The following GRID2 variants were observed in gnomAD, a reference collection of about 807,000 sequenced individuals.
GRID2 encodes glutamate receptor ionotropic, delta-2.
Under a neutral mutation model 114.8 loss-of-function variants are expected in GRID2, and 33 were observed. The observed-to-expected ratio is 0.29, with a 90% confidence interval of 0.22 to 0.38. The LOEUF (loss-of-function observed/expected upper bound fraction) is 0.38, where lower values mean the gene tolerates loss of function less well. Ranked by LOEUF, GRID2 falls within the 10% of genes least tolerant of loss-of-function variation. The pLI is 1.00. For synonymous variants in GRID2, 505 were observed against 449.9 expected (o/e 1.12, Z -1.55); for missense variants, 1,184 against 1,257.7 (o/e 0.94, Z 0.89).
At chr4:93,467,604 C>A (rs547131865) in intron 11 of GRID2, among the ~76,000 whole-genome samples, 11 of 152,190 alleles carry the variant, frequency 7.2e-5, no homozygotes, top group African/African-American at 2.7e-4. Context: ...ACAAGTACCA[C>A]GCTTCTGTGC....
In GRID2 at chr4:93,326,844, T is replaced by A. The variant is rs566475340; in HGVS notation, c.1246-68763T>A. Among the ~76,000 whole-genome samples, 3 of 152,322 alleles carry A rather than the reference T, an allele frequency of 2.0e-5. No individual in the cohort carries two copies. In the South Asian group the frequency reaches 6.2e-4, roughly 32 times the overall value. ...ATACAGATTTTCTGAAATCCCTTTA[T>A]GTTTCATCAGGCTCAACTGTGTATA... is the stretch of plus-strand genomic sequence containing the variant. On this transcript the variant is annotated intron_variant, in intron 8 of 15. Transcript: ENST00000282020.
intron 8 of GRID2, among the ~76,000 whole-genome samples, chr4:93,346,241 C>T (rs914736008): frequency 6.6e-6 from 1 of 152,012 alleles, no homozygotes; most frequent in Non-Finnish European, 1.5e-5. Flanking sequence ...TTTATGGCAA[C>T]AGATTTTTAC....
At chr4:93,463,861 C>T (rs1203543656) in intron 11 of GRID2, among the ~76,000 whole-genome samples, 2 of 151,938 alleles carry the variant, frequency 1.3e-5, no homozygotes, top group Non-Finnish European at 2.9e-5. Flanking sequence ...TGGTGGCGGG[C>T]ACCTGTAGTC....
chr4:93,149,698 A>C (rs888771368), intron 4 of GRID2, among the ~76,000 whole-genome samples: 1 of 152,106 alleles, frequency 6.6e-6, no homozygotes, highest in East Asian at 1.9e-4. Context: ...TGGTGGCACA[A>C]TCATAACTCA....
At chr4:93,159,389 ATTGAGTGTT>A (rs1367439485) in intron 4 of GRID2, among the ~76,000 whole-genome samples, 1 of 151,784 alleles carries the variant, frequency 6.6e-6, no homozygotes, top group African/African-American at 2.4e-5. Flanking sequence ...TATTCAAGTT[ATTGAGTGTT>A]TTTGAGTCAT....
At chr4:93,731,384 G>A (rs1730471620) in intron 14 of GRID2, among the ~76,000 whole-genome samples, 1 of 152,162 alleles carries the variant, frequency 6.6e-6, no homozygotes, top group South Asian at 2.1e-4. Context: ...AGGCAAGGGA[G>A]AGCGGACAGG....
At chr4:93,677,606 C>T (rs1291673934) in intron 14 of GRID2, among the ~76,000 whole-genome samples, 1 of 152,132 alleles carries the variant, frequency 6.6e-6, no homozygotes, top group Non-Finnish European at 1.5e-5. Flanking sequence ...CATCAGACAG[C>T]AGCATTCGCA....
At chr4:92,858,774 G>A (rs1201953076) in intron 2 of GRID2, among the ~76,000 whole-genome samples, 1 of 152,198 alleles carries the variant, frequency 6.6e-6, no homozygotes, top group Non-Finnish European at 1.5e-5. Context: ...AGCCAGGATG[G>A]TCTCGATCTC....
intron 4 of GRID2, among the ~76,000 whole-genome samples, chr4:93,170,034 T>C (rs1738643649): frequency 6.6e-6 from 1 of 152,168 alleles, no homozygotes; most frequent in African/African-American, 2.4e-5. Context: ...ATAGGCTATG[T>C]TTTTTGGCAA....
Position 92,483,631 on chromosome 4 carries a change from A to G in GRID2, c.89-106500A>G, listed in dbSNP as rs117794211. 3.9e-4 allele frequency among the ~76,000 whole-genome samples: 59 copies of G among 152,262 alleles called. 2 individuals carry two copies. The East Asian group carries it at 9.5e-3, about 24-fold the overall frequency. ...GGGAGCAATCAGATTTCAGAATGTG[A>G]TTACCAAGCTGGGTCAGATGTCTGG... is the stretch of plus-strand genomic sequence containing the variant. On this transcript the variant is annotated intron_variant, in intron 1 of 15. Coordinates refer to ENST00000282020, the MANE Select transcript of GRID2 (RefSeq NM_001510.4).
rs76977530 is a variant in GRID2 at position 93,657,148 on chromosome 4, C to T, written c.2360+30713C>T. Among the ~76,000 whole-genome samples, 1,153 of 152,178 alleles carry T rather than the reference C, an allele frequency of 7.6e-3. 29 individuals are homozygous for T. In the East Asian group the frequency reaches 0.082, roughly 11 times the overall value. On this transcript the variant is annotated intron_variant, in intron 14 of 15. Coordinates refer to ENST00000282020, the MANE Select transcript of GRID2 (RefSeq NM_001510.4). ...TATTTAAGAATAAGAAATTCATTAG[C>T]TAGCCCTACCTTCAGATGATATTTT...
chr4:92,444,557 A>C (rs1356957687), intron 1 of GRID2, among the ~76,000 whole-genome samples: 1 of 151,998 alleles, frequency 6.6e-6, no homozygotes, highest in Non-Finnish European at 1.5e-5. Context: ...GGGCATATTC[A>C]CTTCTTTTGT....
intron 2 of GRID2, among the ~76,000 whole-genome samples, chr4:92,599,335 T>C (rs1729094553): frequency 1.3e-5 from 2 of 152,238 alleles, no homozygotes; most frequent in South Asian, 4.1e-4. Flanking sequence ...TAGAGCAACA[T>C]AGTGTTGTAG....
chr4:92,450,879 TTAAA>T lies in GRID2; in HGVS notation c.89-139245_89-139242del, dbSNP rs547236961. ...AAATAAATTTAATTTTTAAATAAGT[TTAAA>T]TAAATATTCAAATAAAATAAAAATA... On this transcript the variant is annotated intron_variant, in intron 1 of 15. Transcript: ENST00000282020. 2.8e-3 allele frequency among the ~76,000 whole-genome samples: 415 copies of T among 146,830 alleles called. 2 individuals are homozygous for T. The highest frequency in any genetic ancestry group is 9.8e-3 in the African/African-American group (393 of 40,288).
At chr4:93,178,646 C>G (rs562680245) in intron 4 of GRID2, among the ~76,000 whole-genome samples, 1 of 151,890 alleles carries the variant, frequency 6.6e-6, no homozygotes, top group African/African-American at 2.4e-5. Flanking sequence ...CCTCGGCCTC[C>G]CAAAGTGCTA....
At chr4:93,228,399 C>A (rs1745744838) in intron 7 of GRID2, among the ~76,000 whole-genome samples, 2 of 152,166 alleles carry the variant, frequency 1.3e-5, no homozygotes, top group African/African-American at 4.8e-5. Flanking sequence ...AGGCAAAACT[C>A]TCATGATCTA....
intron 2 of GRID2, among the ~76,000 whole-genome samples, chr4:92,787,343 A>C (rs1739365403): frequency 6.6e-6 from 1 of 151,934 alleles, no homozygotes; most frequent in African/African-American, 2.4e-5. Flanking sequence ...GAGCAGGTGT[A>C]AGGAGTCCTA....
At chr4:93,523,429 C>T (rs1730528450) in intron 13 of GRID2, among the ~76,000 whole-genome samples, 1 of 152,122 alleles carries the variant, frequency 6.6e-6, no homozygotes, top group Admixed American at 6.6e-5. Context: ...TAGATACACA[C>T]ATCCTGCTGA....
At chr4:92,372,303 G>T (rs751286714) in intron 1 of GRID2, among the ~76,000 whole-genome samples, 4 of 152,118 alleles carry the variant, frequency 2.6e-5, no homozygotes, top group African/African-American at 4.8e-5. Flanking sequence ...AAATAGTATT[G>T]CATGCTACAG....
Sources: gnomAD v4.1 joint callset for allele counts (sites outside exome capture counted in the v4.1 genomes callset) on GRCh38, gnomAD v4.1.1 for gene constraint, MANE v1.5 for transcripts, NCBI Gene and HGNC (gene_info 2026-07-23, HGNC 2026-07-21) for gene names.